Variants in TELO2 observed in about 807,000 individuals in gnomAD.
TELO2 encodes the protein telomere length regulation protein TEL2 homolog.
TELO2 carries 71 observed loss-of-function variants against 91.0 expected under a neutral mutation model. That is an observed-to-expected ratio of 0.78 (90% CI 0.64 to 0.95). TELO2 has a LOEUF of 0.95. Among genes scored for constraint, TELO2 ranks in the 40% least tolerant of loss-of-function variants. TELO2 has a pLI of 0.00. For synonymous variants in TELO2, 584 were observed against 518.9 expected, an observed-to-expected ratio of 1.13 and a Z score of -1.71; for missense variants, 1,183 against 1,141.3, an observed-to-expected ratio of 1.04 and a Z score of -0.53.
At chr16:1,507,211 T>G (rs2039928775) in intron 18 of TELO2, 95 bp from the exon 19 acceptor site, 1 of 1,532,574 alleles carries the variant, frequency 6.5e-7, no homozygotes, top group Non-Finnish European at 8.9e-7. Context: ...GCAGGCCCTG[T>G]CCCTGCTGCT....
intron 20 of TELO2, among the ~76,000 whole-genome samples, chr16:1,508,938 AG>A (rs1567309057): frequency 1.3e-5 from 2 of 152,072 alleles, no homozygotes; most frequent in Admixed American, 6.5e-5. Context: ...GCTTCTTTCA[AG>A]GGGGGTGAGG....
At position 1,506,284 on chromosome 16, in the gene TELO2, C is replaced by T; in HGVS notation, c.2081C>T (p.Ser694Phe). The change falls in exon 17 of 21, where the codon TCC becomes TTC. Residue 694 changes from serine to phenylalanine, a missense_variant. Transcript: ENST00000262319. ...GPAGSPSRFN[S>F]VAGHFFFPLL... ...GCAGGCAGCCCCAGCAGATTCAACT[C>T]CGTGGCCGGCCACTTCTTCTTCCCC... 2 of 1,613,986 alleles carry T rather than the reference C, an allele frequency of 1.2e-6. No homozygotes were observed. The highest frequency in any genetic ancestry group is 8.5e-7 in the Non-Finnish European group (1 of 1,180,020).
chr16:1,497,316 G>A lies in TELO2; in HGVS notation c.683-45G>A. ...GGACCCACACAGCCCCAGACACCAG[G>A]TGGGTGCAGCTCCCCAGGCTCAGGT... On this transcript the variant is annotated intron_variant, in intron 4 of 20. Coordinates refer to ENST00000262319, the MANE Select transcript of TELO2 (RefSeq NM_016111.4). This position sits in a 1 kb window ranked among gnomAD's most constrained non-coding sequence, Gnocchi z 4.0. 6.6e-7 allele frequency: 1 copy of A among 1,512,024 alleles called. No homozygotes were observed. The allele number at this position is 1,512,024 out of a possible 1,614,324, so 93.7% of individuals were successfully genotyped here.
At chr16:1,499,877 G>A (rs1197579538) in intron 6 of TELO2, among the ~76,000 whole-genome samples, 1 of 152,256 alleles carries the variant, frequency 6.6e-6, no homozygotes, top group Non-Finnish European at 1.5e-5. Flanking sequence ...ATCACGTTCA[G>A]TTCAAAGGAA....
intron 3 of TELO2, 72 bp downstream of exon 3, chr16:1,495,695 G>A (rs548535854): frequency 3.1e-5 from 47 of 1,508,052 alleles, no homozygotes; most frequent in South Asian, 5.2e-5. Flanking sequence ...ACCCTCTGGT[G>A]CCTCACGGCC....
At position 1,501,493 on chromosome 16, in the gene TELO2, A is replaced by T; in HGVS notation, c.1355A>T (p.Glu452Val). The change falls in exon 10 of 21, where the codon GAG (glutamate) becomes GTG (valine). Residue 452 changes from glutamate (E) to valine (V), a missense_variant. Glu to Val is a moderately radical substitution (Grantham distance 121). Transcript: ENST00000262319. The part of the protein sequence containing the change: ...SPQPAGDGAS[E>V]AGTSLVPATA... ...CAGCCTGCGGGTGACGGCGCCTCGG[A>T]GGCGGGGTGAGGGTCTCTGCCCCCC... The T allele has an allele frequency of 6.2e-7, 1 of 1,608,124 alleles. No individual in the cohort carries two copies. The highest frequency in any genetic ancestry group is 8.5e-7 in the Non-Finnish European group (1 of 1,177,340).
At chr16:1,506,090 C>G in intron 16 of TELO2, 148 bp from the exon 17 acceptor site, 1 of 828,610 alleles carries the variant, frequency 1.2e-6, no homozygotes. Context: ...CCCATGGGGC[C>G]TGGGAGCTGG....
At position 1,500,139 on chromosome 16, in the gene TELO2, G is replaced by C; in HGVS notation, c.977G>C (p.Ser326Thr). ...CTGCTGGGCCATCTGGCCATGGACA[G>C]CCAGCGGCGCCCGCTCCTGCTGCAG... ...QSLLGHLAMD[S>T]QRRPLLLQVL... Residue 326 changes from serine to threonine, a missense_variant, in exon 7 of 21, where the codon AGC becomes ACC. By Grantham distance (58) the Ser-to-Thr change is moderately conservative. Transcript: ENST00000262319. 6.2e-7 allele frequency: 1 copy of C among 1,607,540 alleles called. No individual in the cohort carries two copies. Among genetic ancestry groups the C allele is most frequent in the Non-Finnish European group, 8.5e-7 (1 of 1,179,302 alleles).
In TELO2 at chr16:1,502,072, A is replaced by C; in HGVS notation, c.1498A>C (p.Met500Leu). 1 of 1,613,286 alleles carries C rather than the reference A, an allele frequency of 6.2e-7. No individual in the cohort carries two copies. Among genetic ancestry groups the C allele is most frequent in the Non-Finnish European group, 8.5e-7 (1 of 1,179,976 alleles). Residue 500 changes from methionine to leucine, a missense_variant, in exon 12 of 21, where the codon ATG (methionine) becomes CTG (leucine). Transcript: ENST00000262319. ...DSDDEFVPYD[M>L]SGDRELKSSK... Reference sequence around the variant, plus strand: ...CGATGATGAGTTTGTCCCCTACGACATGTCGGGGGACAGAGAGCTGAAGAG... The same window carrying C: ...CGATGATGAGTTTGTCCCCTACGACCTGTCGGGGGACAGAGAGCTGAAGAG...
In TELO2 at chr16:1,494,303, G is replaced by T; in HGVS notation, c.22G>T (p.Val8Phe). 1 of 1,612,714 alleles carries T rather than the reference G, an allele frequency of 6.2e-7. No homozygotes were observed. Residue 8 changes from valine to phenylalanine, a missense_variant, in exon 2 of 21, where the codon GTT becomes TTT. Val to Phe is a conservative substitution (Grantham distance 50, BLOSUM62 -1). Transcript: ENST00000262319. The surrounding 1 kb of genome is among the most constrained non-coding windows in gnomAD (Gnocchi z 5.6). Reference sequence around the variant, plus strand: ...CAGGATGGAGCCAGCACCCTCAGAGGTTCGACTCGCCGTCCGGGAAGCCAT... The same window carrying T: ...CAGGATGGAGCCAGCACCCTCAGAGTTTCGACTCGCCGTCCGGGAAGCCAT... MEPAPSE[V>F]RLAVREAIHA...
At position 1,494,242 on chromosome 16, in the gene TELO2, A is replaced by C. The variant is rs750682021; in HGVS notation, c.-36-4A>C. On this transcript the variant is annotated splice_region_variant and splice_polypyrimidine_tract_variant and intron_variant, in intron 1 of 20. Coordinates refer to ENST00000262319, the MANE Select transcript of TELO2 (RefSeq NM_016111.4). This position sits in a 1 kb window ranked among gnomAD's most constrained non-coding sequence, Gnocchi z 5.6. ...CCAAGCTGAGCCCTGTGTCCATGTC[A>C]CAGGTCGTCTTCCCGTGACGCCCAG... The C allele has an allele frequency of 3.8e-6, 6 of 1,577,676 alleles. No individual in the cohort carries two copies. Among genetic ancestry groups the C allele is most frequent in the Non-Finnish European group, 5.2e-6 (6 of 1,154,460 alleles).
intron 20 of TELO2, 93 bp from the exon 21 acceptor site, chr16:1,509,737 C>T: frequency 8.3e-7 from 1 of 1,203,564 alleles, no homozygotes; most frequent in East Asian, 2.6e-5. Flanking sequence ...GGAGTCAGGC[C>T]TGGCGGGGCT....
At position 1,499,302 on chromosome 16, in the gene TELO2, A is replaced by G. The variant is rs2141031888; in HGVS notation, c.902A>G (p.Gln301Arg). 1 of 1,613,786 alleles carries G rather than the reference A, an allele frequency of 6.2e-7. No individual in the cohort carries two copies. The highest frequency in any genetic ancestry group is 1.1e-5 in the South Asian group (1 of 91,048). The change falls in exon 6 of 21, where the codon CAG (glutamine) becomes CGG (arginine). Residue 301 changes from glutamine to arginine, a missense_variant. Transcript: ENST00000262319. ...AAGAAGGCCCAGTTTGTGATGACCC[A>G]GAAGCTTCTGTTCTTACAGTCCCGG... is the stretch of plus-strand genomic sequence containing the variant. ...KNKKAQFVMTQKLLFLQSRLT... is the reference protein window; with the variant it reads ...KNKKAQFVMTRKLLFLQSRLT...
In TELO2 at chr16:1,497,377, G is replaced by T; in HGVS notation, c.699G>T (p.Val233=). 2 of 1,548,424 alleles carry T rather than the reference G, an allele frequency of 1.3e-6. No individual in the cohort carries two copies. The highest frequency in any genetic ancestry group is 1.7e-6 in the Non-Finnish European group (2 of 1,146,144). ...TCCCCTCAGAGGAGATCCTGGGCGT[G>T]CTGGTACCCCGGCTGGCAGCGCTCA... ...VHGRQQEILG[V]LVPRLAALTQ... is the part of the protein sequence containing the mutation. Residue 233 remains valine (V), a synonymous_variant, in exon 5 of 21, where the codon GTG becomes GTT. Transcript: ENST00000262319. This position sits in a 1 kb window ranked among gnomAD's most constrained non-coding sequence, Gnocchi z 4.0.
intron 3 of TELO2, 99 bp from the exon 4 acceptor site, chr16:1,496,937 G>A (rs527277104): frequency 1.8e-4 from 218 of 1,222,642 alleles, no homozygotes; most frequent in Admixed American, 4.9e-4. Context: ...TTTTGCTGTC[G>A]GTTGGAGTCC....
At chr16:1,495,736 C>T (rs2039467245) in intron 3 of TELO2, 113 bp downstream of exon 3, 1 of 1,418,444 alleles carries the variant, frequency 7.0e-7, no homozygotes, top group Non-Finnish European at 9.4e-7. Context: ...TGGTTGATGC[C>T]GTCAGGCAGG....
chr16:1,507,355 G>A lies in TELO2; in HGVS notation c.2276G>A (p.Arg759His), dbSNP rs767706839. The part of the protein sequence containing the change: ...KALLEFVWAL[R>H]FHIDAYVRQG... ...CTGCTGGAATTCGTGTGGGCCCTTC[G>A]CTTCCACATCGATGCGTGAGTGGCC... Residue 759 changes from arginine to histidine, a missense_variant, in exon 19 of 21, where the codon CGC (arginine) becomes CAC (histidine). Physicochemically the swap from Arg to His is conservative, Grantham distance 29 (BLOSUM62 0). Coordinates refer to ENST00000262319, the MANE Select transcript of TELO2 (RefSeq NM_016111.4). 3.1e-6 allele frequency: 5 copies of A among 1,610,928 alleles called. No individual in the cohort carries two copies. Among genetic ancestry groups the A allele is most frequent in the South Asian group, 2.2e-5 (2 of 91,042 alleles).
chr16:1,502,716 G>A lies in TELO2; in HGVS notation c.1725G>A (p.Leu575=). Residue 575 remains leucine, a synonymous_variant, in exon 14 of 21, where the codon CTG becomes CTA. Coordinates refer to ENST00000262319, the MANE Select transcript of TELO2 (RefSeq NM_016111.4). ...EKTCVVGFAG[L]RQRALVAVTV... is the part of the protein sequence containing the mutation. ...CCTGTGTGGTGGGATTTGCAGGGCT[G>A]CGCCAGAGAGCCCTGGTGGCCGTCA... 6.2e-7 allele frequency: 1 copy of A among 1,612,668 alleles called. No homozygotes were observed. Among genetic ancestry groups the A allele is most frequent in the Non-Finnish European group, 8.5e-7 (1 of 1,179,884 alleles).
intron 3 of TELO2, among the ~76,000 whole-genome samples, chr16:1,496,050 G>C (rs1329671152): frequency 1.3e-5 from 2 of 152,256 alleles, no homozygotes; most frequent in Non-Finnish European, 2.9e-5. Flanking sequence ...CCGCGAGTGT[G>C]CGTTTCACTA....
Sources: allele counts gnomAD v4.1 joint callset (sites outside exome capture counted in the v4.1 genomes callset), GRCh38; gene constraint gnomAD v4.1.1; non-coding constraint Gnocchi (gnomAD v3.1); transcripts MANE v1.5; gene names NCBI Gene and HGNC (gene_info 2026-07-23, HGNC 2026-07-21).